The following CALHM4 variants were observed in gnomAD, a reference collection of about 807,000 sequenced individuals.
The protein encoded by CALHM4 is calcium homeostasis modulator family member 4.
A neutral mutation model predicts 13.3 loss-of-function variants in CALHM4; 16 were observed. That is an observed-to-expected ratio of 1.20 (90% confidence interval 0.81 to 1.82). CALHM4 has a LOEUF of 1.82. Among genes scored for constraint, CALHM4 ranks in the 40% most tolerant of loss-of-function variants. The pLI is 0.00. For missense variants in CALHM4, 344 were observed against 374.9 expected, an observed-to-expected ratio of 0.92 and a Z score of 0.68; for synonymous variants, 127 against 137.1, an observed-to-expected ratio of 0.93 and a Z score of 0.52.
chr6:116,560,161 C>T lies in CALHM4; in HGVS notation c.*1950C>T, dbSNP rs1346591931. Among the ~76,000 whole-genome samples the T allele has an allele frequency of 6.6e-6, 1 of 152,128 alleles. No individual in the cohort carries two copies. Among genetic ancestry groups the T allele is most frequent in the Non-Finnish European group, 1.5e-5 (1 of 68,016 alleles). ...CTGCTCCAGTTCTAAAATTCTGTTC[C>T]TATATAACTGATAATTTTTTATATT... On this transcript the variant is annotated 3_prime_UTR_variant, in exon 2 of 2. Transcript: ENST00000368596.
upstream of CALHM4, among the ~76,000 whole-genome samples, chr6:116,550,017 TATATATATACACAC>T (rs1773997346): frequency 1.4e-5 from 1 of 69,420 alleles, no homozygotes; most frequent in African/African-American, 5.1e-5. Flanking sequence ...TATATATATA[TATATATATACACAC>T]ACACACACAC....
In CALHM4 at chr6:116,554,083, G is replaced by A. The variant is rs1216130728; in HGVS notation, c.290G>A (p.Cys97Tyr). Residue 97 changes from cysteine to tyrosine, a missense_variant, in exon 1 of 2, where the codon TGC becomes TAC. Transcript: ENST00000368596. ...PPYRRISPLECKLACLRFFSI... is the reference protein window; with the variant it reads ...PPYRRISPLEYKLACLRFFSI... ...TACAGGAGAATCAGCCCCCTAGAGT[G>A]CAAGCTGGCTTGCCTTAGGTTCTTC... 6.4e-7 allele frequency: 1 copy of A among 1,550,586 alleles called. No individual in the cohort carries two copies. Among genetic ancestry groups the A allele is most frequent in the South Asian group, 1.2e-5 (1 of 84,064 alleles).
At chr6:116,538,918 G>A (rs1177834837) in intron 1 of CALHM4, among the ~76,000 whole-genome samples, 2 of 151,702 alleles carry the variant, frequency 1.3e-5, no homozygotes, top group African/African-American at 4.8e-5. Context: ...TTTTGTAGAG[G>A]TGGGATTTCA....
chr6:116,556,501 T>C (rs888366162), intron 1 of CALHM4, among the ~76,000 whole-genome samples: 1 of 152,196 alleles, frequency 6.6e-6, no homozygotes, highest in African/African-American at 2.4e-5. Context: ...AGTTAAATGG[T>C]AATAAATACC....
chr6:116,531,707 T>C (rs996288949), intron 1 of CALHM4, among the ~76,000 whole-genome samples: 3 of 152,170 alleles, frequency 2.0e-5, no homozygotes, highest in Admixed American at 1.3e-4. Context: ...TAATATGAAA[T>C]GCACTATGTA....
At chr6:116,543,509 C>T in intron 1 of CALHM4, 1 of 905,494 alleles carries the variant, frequency 1.1e-6, no homozygotes, top group African/African-American at 1.7e-5. Context: ...GTCACCTGTA[C>T]ATTTTTTCCT....
intron 1 of CALHM4, chr6:116,540,384 T>A: frequency 1.3e-6 from 2 of 1,551,196 alleles, no homozygotes; most frequent in Non-Finnish European, 1.7e-6. Context: ...TGTCTATAAT[T>A]TCTGAATAAC....
chr6:116,549,701 C>T (rs894397921), upstream of CALHM4, among the ~76,000 whole-genome samples: 1 of 151,600 alleles, frequency 6.6e-6, no homozygotes, highest in Non-Finnish European at 1.5e-5. Flanking sequence ...TCCAGCCAGA[C>T]GTGGTGGCTC....
intron 1 of CALHM4, among the ~76,000 whole-genome samples, chr6:116,557,124 A>C (rs1033721): frequency 6.6e-6 from 1 of 151,676 alleles, no homozygotes; most frequent in East Asian, 1.9e-4. Context: ...TTTTAGTAGA[A>C]ATAGGGTTTC....
chr6:116,546,149 C>T (rs1352952020), intron 2 of CALHM4, among the ~76,000 whole-genome samples: 1 of 152,230 alleles, frequency 6.6e-6, no homozygotes, highest in East Asian at 1.9e-4. Flanking sequence ...CAATCAACAA[C>T]ATTAAGGAGT....
intron 1 of CALHM4, among the ~76,000 whole-genome samples, chr6:116,538,139 TA>T (rs1332346911): frequency 6.6e-6 from 1 of 152,214 alleles, no homozygotes; most frequent in African/African-American, 2.4e-5. Flanking sequence ...TTCTTCTGAT[TA>T]AAATGAATAT....
chr6:116,539,182 T>C (rs900510924), intron 1 of CALHM4, among the ~76,000 whole-genome samples: 2 of 152,238 alleles, frequency 1.3e-5, no homozygotes, highest in African/African-American at 2.4e-5. Context: ...CTGGTATTCT[T>C]GTAGTATTGC....
rs1437477544 is a variant in CALHM4, at chr6:116,560,692, A to G, written c.*2481A>G. On this transcript the variant is annotated 3_prime_UTR_variant, in exon 2 of 2. Coordinates refer to ENST00000368596, the MANE Select transcript of CALHM4 (RefSeq NM_001366078.2). Reference sequence around the variant, plus strand: ...ATGGTCTATAGCATTTTTTTGCTCCACAGCTAGTTAAATGAAACTTTTTCA... The same window carrying G: ...ATGGTCTATAGCATTTTTTTGCTCCGCAGCTAGTTAAATGAAACTTTTTCA... Among the ~76,000 whole-genome samples, 1 of 149,618 alleles carries G rather than the reference A, an allele frequency of 6.7e-6. No homozygotes were observed. Among genetic ancestry groups the G allele is most frequent in the Admixed American group, 6.7e-5 (1 of 14,964 alleles).
intron 1 of CALHM4, among the ~76,000 whole-genome samples, chr6:116,539,314 A>T (rs969061845): frequency 3.9e-5 from 6 of 152,208 alleles, no homozygotes; most frequent in African/African-American, 1.4e-4. Context: ...TAGTGGTATG[A>T]TAAACTCATT....
chr6:116,555,817 C>T (rs912939229), intron 1 of CALHM4, among the ~76,000 whole-genome samples: 1 of 152,170 alleles, frequency 6.6e-6, no homozygotes, highest in African/African-American at 2.4e-5. Flanking sequence ...TTTGCCCATG[C>T]CCTATTCTAA....
chr6:116,547,801 G>GTTCTTTA (rs749196280), intron 2 of CALHM4, among the ~76,000 whole-genome samples: 6 of 152,208 alleles, frequency 3.9e-5, no homozygotes, highest in Non-Finnish European at 8.8e-5. Flanking sequence ...TTTACTAAGA[G>GTTCTTTA]TTCTTTAGTC....
At chr6:116,553,685 T>C (rs1028196783), upstream of CALHM4, 1 of 984,694 alleles carries the variant, frequency 1.0e-6, no homozygotes, top group Admixed American at 2.7e-5. Flanking sequence ...GGATGTTGGA[T>C]CACTTGACAC....
Position 116,559,131 on chromosome 6 carries a change from G to T in CALHM4, c.*920G>T, listed in dbSNP as rs1422029116. 6.6e-6 allele frequency among the ~76,000 whole-genome samples: 1 copy of T among 152,102 alleles called. No homozygotes were observed. Among genetic ancestry groups the T allele is most frequent in the Non-Finnish European group, 1.5e-5 (1 of 68,006 alleles). ...GATAATTCCTGCTTGGTGTTGCTCT[G>T]CCTGGCTTTACTAAATGCAGCCTAC... is the stretch of plus-strand genomic sequence containing the variant. On this transcript the variant is annotated 3_prime_UTR_variant, in exon 2 of 2. Transcript: ENST00000368596.
Position 116,558,118 on chromosome 6 carries a change from T to G in CALHM4, c.852T>G (p.Gly284=), listed in dbSNP as rs2115303114. The change falls in exon 2 of 2, where the codon GGT becomes GGG. Residue 284 remains glycine (G), a synonymous_variant. Transcript: ENST00000368596. ...CAGTACCCACTCTTTTATGCATGGG[T>G]GATGACTTGCAAGGTCACTATAGCT... The part of the protein sequence containing the change: ...DISVPTLLCM[G]DDLQGHYSFL... The G allele has an allele frequency of 6.2e-7, 1 of 1,614,120 alleles. No individual in the cohort carries two copies. Among genetic ancestry groups the G allele is most frequent in the African/African-American group, 1.3e-5 (1 of 75,036 alleles).
Sources: gnomAD v4.1 joint callset for allele counts (sites outside exome capture counted in the v4.1 genomes callset) on GRCh38, gnomAD v4.1.1 for gene constraint, MANE v1.5 for transcripts, NCBI Gene and HGNC (gene_info 2026-07-23, HGNC 2026-07-21) for gene names.